Variants in C10orf90 observed in about 807,000 individuals in gnomAD.
C10orf90 encodes chromosome 10 open reading frame 90.
A neutral mutation model predicts 62.5 loss-of-function variants in C10orf90; 56 were observed. The observed-to-expected ratio is 0.90, with a 90% CI of 0.72 to 1.12. C10orf90 has a LOEUF of 1.12. C10orf90 is among the 50% of genes most tolerant of loss of function. The pLI, the probability that C10orf90 is intolerant of heterozygous loss-of-function variation, is 0.00. For missense variants in C10orf90, 970 were observed against 880.4 expected (o/e 1.10, Z -1.29); for synonymous variants, 386 against 340.4 (o/e 1.13, Z -1.47).
chr10:126,576,719 G>GAAA (rs1564879157), intron 2 of C10orf90, among the ~76,000 whole-genome samples: 3,058 of 38,550 alleles, frequency 0.079, 427 homozygotes, highest in African/African-American at 0.14. Context: ...ATATATACAA[G>GAAA]ATATACATAT....
chr10:126,608,802 T>C (rs1845369805), intron 2 of C10orf90, among the ~76,000 whole-genome samples: 1 of 152,226 alleles, frequency 6.6e-6, no homozygotes, highest in African/African-American at 2.4e-5. Flanking sequence ...AATAATCCTA[T>C]TTATGTCAAC....
rs1845300111 is a variant in C10orf90 at position 126,605,892 on chromosome 10, C to CATACATACATAT, written c.313+40672_313+40673insATATGTATGTAT. ...AAATACATACATGCATACATACATA[C>CATACATACATAT]ATACATACATACATACATACATTTG... On this transcript the variant is annotated intron_variant, in intron 2 of 9. Transcript: ENST00000488181. Among the ~76,000 whole-genome samples the CATACATACATAT allele has an allele frequency of 5.3e-5, 8 of 151,592 alleles. No homozygotes were observed. In the South Asian group the frequency reaches 1.2e-3, roughly 24 times the overall value.
intron 1 of C10orf90, among the ~76,000 whole-genome samples, chr10:126,661,163 T>C (rs1164681122): frequency 6.6e-6 from 1 of 152,194 alleles, no homozygotes; most frequent in African/African-American, 2.4e-5. Context: ...AAAGTACTAG[T>C]TACAATTTGC....
intron 4 of C10orf90, among the ~76,000 whole-genome samples, chr10:126,471,007 A>G (rs1399463391): frequency 6.6e-6 from 1 of 152,200 alleles, no homozygotes; most frequent in East Asian, 1.9e-4. Flanking sequence ...TAATTGTTTC[A>G]GCACATTTCT....
chr10:126,594,742 G>A (rs1450197062), intron 2 of C10orf90, among the ~76,000 whole-genome samples: 1 of 152,114 alleles, frequency 6.6e-6, no homozygotes, highest in African/African-American at 2.4e-5. Context: ...GAGCATTCCA[G>A]GCAAAGGGAT....
At chr10:126,658,234 T>C (rs1846436449) in intron 1 of C10orf90, among the ~76,000 whole-genome samples, 1 of 152,222 alleles carries the variant, frequency 6.6e-6, no homozygotes, top group Non-Finnish European at 1.5e-5. Flanking sequence ...GAGTGATCAG[T>C]AGCCCTATCA....
chr10:126,539,465 A>G (rs1294309658), intron 2 of C10orf90, among the ~76,000 whole-genome samples: 2 of 152,202 alleles, frequency 1.3e-5, no homozygotes, highest in African/African-American at 4.8e-5. Flanking sequence ...CAAAGAAGCT[A>G]CTGCCATGTA....
intron 2 of C10orf90, among the ~76,000 whole-genome samples, chr10:126,559,976 T>A (rs766747648): frequency 1.3e-5 from 2 of 152,220 alleles, no homozygotes; most frequent in Non-Finnish European, 2.9e-5. Context: ...CGCGGAGAAC[T>A]GCATATTTGG....
At chr10:126,543,104 G>T (rs2033697) in intron 2 of C10orf90, among the ~76,000 whole-genome samples, 4,405 of 152,114 alleles carry the variant, frequency 0.029, 215 homozygotes, top group African/African-American at 0.099. Flanking sequence ...TATGTGTTTC[G>T]TGTGAACTCC....
At chr10:126,589,894 G>A (rs1261081118) in intron 2 of C10orf90, among the ~76,000 whole-genome samples, 1 of 152,076 alleles carries the variant, frequency 6.6e-6, no homozygotes, top group Non-Finnish European at 1.5e-5. Context: ...CTCCAATTAA[G>A]ACACAGAATG....
At chr10:126,630,556 T>C (rs539834093) in intron 2 of C10orf90, among the ~76,000 whole-genome samples, 1 of 152,258 alleles carries the variant, frequency 6.6e-6, no homozygotes, top group African/African-American at 2.4e-5. Context: ...GTCCGTCTGA[T>C]AGACGCTCCG....
At chr10:126,564,673 G>A (rs1361050584) in intron 2 of C10orf90, among the ~76,000 whole-genome samples, 1 of 146,720 alleles carries the variant, frequency 6.8e-6, no homozygotes, top group Non-Finnish European at 1.5e-5. Flanking sequence ...ACACACGACT[G>A]GCTTTGGGCT....
At chr10:126,449,284 G>A (rs1176473265) in intron 7 of C10orf90, among the ~76,000 whole-genome samples, 1 of 152,110 alleles carries the variant, frequency 6.6e-6, no homozygotes, top group African/African-American at 2.4e-5. Flanking sequence ...AAGGACAAGA[G>A]CCATATGATC....
intron 2 of C10orf90, among the ~76,000 whole-genome samples, chr10:126,553,677 G>C (rs1864690470): frequency 6.6e-6 from 1 of 152,104 alleles, no homozygotes; most frequent in Non-Finnish European, 1.5e-5. Flanking sequence ...GGGGTAATAG[G>C]CTGTATCATC....
intron 4 of C10orf90, among the ~76,000 whole-genome samples, chr10:126,501,042 G>A (rs907734990): frequency 7.2e-5 from 11 of 152,206 alleles, no homozygotes; most frequent in East Asian, 1.9e-4. Flanking sequence ...GAAGTAAGAA[G>A]ACTGCTAATA....
At chr10:126,479,184 T>C (rs1446867840) in intron 4 of C10orf90, among the ~76,000 whole-genome samples, 1 of 152,190 alleles carries the variant, frequency 6.6e-6, no homozygotes, top group African/African-American at 2.4e-5. Flanking sequence ...ATGACAAGTC[T>C]GCAAGCACTG....
intron 1 of C10orf90, among the ~76,000 whole-genome samples, chr10:126,663,181 A>T (rs1387950433): frequency 6.6e-6 from 1 of 152,194 alleles, no homozygotes; most frequent in East Asian, 1.9e-4. Context: ...AAAGCTGCGG[A>T]GGGACAAATG....
intron 1 of C10orf90, among the ~76,000 whole-genome samples, chr10:126,653,816 A>G (rs1396164548): frequency 6.6e-6 from 1 of 152,220 alleles, no homozygotes; most frequent in Non-Finnish European, 1.5e-5. Context: ...CTGAAATAAT[A>G]AGGCTTGAAT....
In C10orf90 at chr10:126,565,428, TATATATTATACAC is replaced by T. The variant is rs1417624708; in HGVS notation, c.314-51502_314-51490del. Among the ~76,000 whole-genome samples, 20 of 12,360 alleles carry T rather than the reference TATATATTATACAC, an allele frequency of 1.6e-3. 2 individuals carry two copies. The highest frequency in any genetic ancestry group is 3.2e-3 in the Admixed American group (3 of 940). The allele number at this position is 12,360 out of a possible 152,430, so 8.1% of individuals were successfully genotyped here. On this transcript the variant is annotated intron_variant, in intron 2 of 9. Transcript: ENST00000488181. Reference sequence around the variant, plus strand: ...TATATAATATATATTATATATATTATATATATTATACACACACACACACACACACACAAACTTG... The same window carrying T: ...TATATAATATATATTATATATATTATACACACACACACACACACAAACTTG...
Sources: gnomAD v4.1 joint callset for allele counts (sites outside exome capture counted in the v4.1 genomes callset) on GRCh38, gnomAD v4.1.1 for gene constraint, MANE v1.5 for transcripts, NCBI Gene and HGNC (gene_info 2026-07-23, HGNC 2026-07-21) for gene names.